WWOX: variants seen among roughly 807,000 people sequenced by gnomAD.
WWOX encodes WW domain-containing oxidoreductase.
In WWOX, 69 loss-of-function variants were observed where a neutral mutation model predicts 46.2. The ratio of observed to expected loss-of-function variants is 1.49; its 90% CI spans 1.23 to 1.82. WWOX has a LOEUF of 1.82. Among genes scored for constraint, WWOX ranks in the 40% most tolerant of loss-of-function variants. WWOX has a pLI of 0.00. For synonymous variants in WWOX, 359 were observed against 202.6 expected, an observed-to-expected ratio of 1.77 and a Z score of -6.56; for missense variants, 919 against 542.6, an observed-to-expected ratio of 1.69 and a Z score of -6.89.
intron 5 of WWOX, among the ~76,000 whole-genome samples, chr16:78,320,581 A>G (rs992038217): frequency 1.3e-5 from 2 of 152,232 alleles, no homozygotes; most frequent in Admixed American, 1.3e-4. Context: ...GAAGAAGTCA[A>G]CTTACCTCTT....
chr16:78,551,247 A>T (rs1289709295), intron 8 of WWOX: 1 of 152,220 alleles, frequency 6.6e-6, no homozygotes, highest in Non-Finnish European at 1.5e-5. Flanking sequence ...AAGAAACCTA[A>T]TGAAAACAGC....
intron 8 of WWOX, among the ~76,000 whole-genome samples, chr16:78,485,247 C>G (rs902385365): frequency 1.3e-5 from 2 of 152,176 alleles, no homozygotes; most frequent in African/African-American, 4.8e-5. Flanking sequence ...CACACATGCA[C>G]AGCCTCCTCC....
At chr16:78,104,231 A>ACACACACAC (rs2031989143) in intron 1 of WWOX, among the ~76,000 whole-genome samples, 4 of 130,224 alleles carry the variant, frequency 3.1e-5, no homozygotes, top group African/African-American at 1.2e-4. Flanking sequence ...CTGTGCTCAA[A>ACACACACAC]ACACACACAC....
intron 8 of WWOX, among the ~76,000 whole-genome samples, chr16:78,679,414 G>T (rs904028537): frequency 5.3e-5 from 8 of 152,242 alleles, no homozygotes; most frequent in African/African-American, 1.7e-4. Flanking sequence ...AGCCAGGCAT[G>T]GTGGTGTGGG....
At chr16:78,845,984 C>G (rs1225610939) in intron 8 of WWOX, among the ~76,000 whole-genome samples, 1 of 152,130 alleles carries the variant, frequency 6.6e-6, no homozygotes, top group Non-Finnish European at 1.5e-5. Flanking sequence ...CTAATCCAGT[C>G]TGAACCAATT....
intron 8 of WWOX, among the ~76,000 whole-genome samples, chr16:78,542,164 A>G (rs2151529124): frequency 9.6e-6 from 1 of 103,658 alleles, no homozygotes; most frequent in South Asian, 4.0e-4. Flanking sequence ...CAGGATTTGA[A>G]ATGTTAAGCT....
At chr16:78,464,170 T>C (rs2084018987) in intron 8 of WWOX, among the ~76,000 whole-genome samples, 1 of 152,056 alleles carries the variant, frequency 6.6e-6, no homozygotes, top group Non-Finnish European at 1.5e-5. Context: ...TGCTTAATAT[T>C]GTGGACAAGG....
chr16:78,349,935 TCTCTC>T lies in WWOX; in HGVS notation c.517-36924_517-36920del. 4.1e-5 allele frequency among the ~76,000 whole-genome samples: 5 copies of T among 121,164 alleles called. 1 individual carries two copies. The highest frequency in any genetic ancestry group is 4.0e-4 in the Admixed American group (5 of 12,466). The allele number at this position is 121,164 out of a possible 152,430, so 79.5% of individuals were successfully genotyped here. A position where few individuals can be genotyped will look rare whatever the true frequency, so the allele number is the denominator to read the frequency against. On this transcript the variant is annotated intron_variant, in intron 5 of 8. Coordinates refer to ENST00000566780, the MANE Select transcript of WWOX (RefSeq NM_016373.4). ...ATTTCGGTTTGTGTTATGGAAGTGTTCTCTCTTCTATGAATTACCTAATGCCCATA... is the reference window on the plus strand; with the variant it reads ...ATTTCGGTTTGTGTTATGGAAGTGTTTTCTATGAATTACCTAATGCCCATA...
At chr16:79,172,851 C>T (rs1253040302) in intron 8 of WWOX, among the ~76,000 whole-genome samples, 1 of 126,414 alleles carries the variant, frequency 7.9e-6, no homozygotes, top group African/African-American at 3.2e-5. Context: ...TATAGACTAC[C>T]TGCAAAAAGA....
At chr16:78,673,759 C>A (rs1026254350) in intron 8 of WWOX, among the ~76,000 whole-genome samples, 2 of 152,186 alleles carry the variant, frequency 1.3e-5, no homozygotes, top group African/African-American at 4.8e-5. Flanking sequence ...CCTTAATTAT[C>A]CATGTTATTT....
chr16:78,380,598 T>C (rs1417747396), intron 5 of WWOX, among the ~76,000 whole-genome samples: 1 of 152,128 alleles, frequency 6.6e-6, no homozygotes, highest in Non-Finnish European at 1.5e-5. Context: ...ATCTTATGCA[T>C]TGTGATGATC....
chr16:78,541,311 A>G (rs910755358), intron 8 of WWOX, among the ~76,000 whole-genome samples: 3 of 150,726 alleles, frequency 2.0e-5, no homozygotes, highest in Non-Finnish European at 3.0e-5. Context: ...CGTCTCTACT[A>G]AAAATACAAA....
intron 8 of WWOX, among the ~76,000 whole-genome samples, chr16:78,908,497 A>C (rs1022357542): frequency 2.7e-5 from 4 of 150,586 alleles, no homozygotes; most frequent in Non-Finnish European, 5.9e-5. Flanking sequence ...TCGAGATCAC[A>C]CCACTGCACT....
chr16:78,146,287 C>G (rs2034194922), intron 4 of WWOX, among the ~76,000 whole-genome samples: 1 of 152,096 alleles, frequency 6.6e-6, no homozygotes, highest in Non-Finnish European at 1.5e-5. Context: ...AAGCCTTCAC[C>G]AACTCAGAGC....
intron 8 of WWOX, among the ~76,000 whole-genome samples, chr16:78,758,947 A>AC (rs2049724452): frequency 6.6e-6 from 1 of 151,886 alleles, no homozygotes; most frequent in Non-Finnish European, 1.5e-5. Context: ...CAAAAAAAAA[A>AC]AAAACAAAAA....
At chr16:78,641,259 G>A (rs747966106) in intron 8 of WWOX, among the ~76,000 whole-genome samples, 66 of 151,990 alleles carry the variant, frequency 4.3e-4, no homozygotes, top group Non-Finnish European at 8.2e-4. Context: ...AAAGGAAAAG[G>A]CAGAGAAGCC....
chr16:78,735,425 A>ACACACACACACACT (rs1322161838), intron 8 of WWOX, among the ~76,000 whole-genome samples: 1 of 150,924 alleles, frequency 6.6e-6, no homozygotes, highest in Non-Finnish European at 1.5e-5. Context: ...ACACACACAC[A>ACACACACACACACT]CTAATATGGT....
intron 5 of WWOX, among the ~76,000 whole-genome samples, chr16:78,256,250 A>G (rs1379195114): frequency 6.6e-6 from 1 of 150,950 alleles, no homozygotes; most frequent in African/African-American, 2.4e-5. Flanking sequence ...TGGCCTGTCT[A>G]CCACACCATG....
chr16:78,231,697 C>T (rs1415359919), intron 5 of WWOX, among the ~76,000 whole-genome samples: 1 of 152,174 alleles, frequency 6.6e-6, no homozygotes, highest in Non-Finnish European at 1.5e-5. Context: ...TCAATTGCCT[C>T]TCTCCTGGAA....
Sources: allele counts gnomAD v4.1 joint callset (sites outside exome capture counted in the v4.1 genomes callset), GRCh38; gene constraint gnomAD v4.1.1; transcripts MANE v1.5; gene names NCBI Gene and HGNC (gene_info 2026-07-23, HGNC 2026-07-21).